HRG: variants seen among roughly 807,000 people sequenced by gnomAD.
HRG encodes the protein histidine-rich glycoprotein.
HRG carries 26 observed loss-of-function variants against 29.5 expected under a neutral mutation model. The observed-to-expected ratio is 0.88, with a 90% CI of 0.65 to 1.22. HRG has a LOEUF of 1.22. Ranked by LOEUF, HRG falls within the 50% of genes most tolerant of loss-of-function variation. The probability of loss-of-function intolerance (pLI) is 0.00; values close to 1 mark genes in which losing one functional copy is unlikely to be tolerated. For missense variants in HRG, 671 were observed against 654.5 expected, an observed-to-expected ratio of 1.03 and a Z score of -0.28; for synonymous variants, 243 against 240.4, an observed-to-expected ratio of 1.01 and a Z score of -0.10.
Position 186,668,986 on chromosome 3 carries a change from T to G in HRG, c.235T>G (p.Ser79Ala), listed in dbSNP as rs771386591. 8 of 1,612,990 alleles carry G rather than the reference T, an allele frequency of 5.0e-6. No individual in the cohort carries two copies. The highest frequency in any genetic ancestry group is 6.8e-6 in the Non-Finnish European group (8 of 1,178,918). ...CTTAGATGTGCAAGAATCGGACTGTTCGGTCCTATCCAGGAAATACTGGAA... is the reference window on the plus strand; with the variant it reads ...CTTAGATGTGCAAGAATCGGACTGTGCGGTCCTATCCAGGAAATACTGGAA... ...LVLDVQESDC[S>A]VLSRKYWNDC... is the part of the protein sequence containing the mutation. The change falls in exon 2 of 7, where the codon TCG becomes GCG. Residue 79 changes from serine to alanine, a missense_variant. Ser to Ala is a moderately conservative substitution (Grantham distance 99, BLOSUM62 1). Coordinates refer to ENST00000232003, the MANE Select transcript of HRG (RefSeq NM_000412.5).
rs759554349 is a variant in HRG at position 186,669,007 on chromosome 3, T to G, written c.256T>G (p.Trp86Gly). Residue 86 changes from tryptophan (W) to glycine (G), a missense_variant, in exon 2 of 7, where the codon TGG becomes GGG. Physicochemically the swap from Trp to Gly is radical, Grantham distance 184 (BLOSUM62 -2). Coordinates refer to ENST00000232003, the MANE Select transcript of HRG (RefSeq NM_000412.5). Reference protein sequence around the residue: ...SDCSVLSRKYWNDCEPPDSRR... With the variant: ...SDCSVLSRKYGNDCEPPDSRR... ...CTGTTCGGTCCTATCCAGGAAATAC[T>G]GGAATGACTGTGAGCCACCTGATTC... 2 of 1,611,876 alleles carry G rather than the reference T, an allele frequency of 1.2e-6. No homozygotes were observed. Among genetic ancestry groups the G allele is most frequent in the Non-Finnish European group, 1.7e-6 (2 of 1,177,900 alleles).
intron 3 of HRG, 115 bp from the exon 4 acceptor site, chr3:186,671,508 T>A (rs1718789402): frequency 9.3e-7 from 1 of 1,070,246 alleles, no homozygotes. Context: ...GTTACTCAGC[T>A]CTTCCCACCC....
Position 186,672,811 on chromosome 3 carries a change from T to G in HRG, c.583T>G (p.Phe195Val), listed in dbSNP as rs780185953. 1 of 1,612,364 alleles carries G rather than the reference T, an allele frequency of 6.2e-7. No homozygotes were observed. The stretch of plus-strand genomic sequence containing the variant: ...GAGAGGAGGGGAAGGAACTGGTTAC[T>G]TCGTGGACTTCTCTGTGCGGAACTG... The part of the protein sequence containing the change: ...RVRGGEGTGY[F>V]VDFSVRNCPR... Residue 195 changes from phenylalanine to valine, a missense_variant, in exon 5 of 7, where the codon TTC becomes GTC. Coordinates refer to ENST00000232003, the MANE Select transcript of HRG (RefSeq NM_000412.5).
Position 186,677,648 on chromosome 3 carries a change from G to A in HRG, c.1343G>A (p.Arg448His), listed in dbSNP as rs149578094. 7.9e-5 allele frequency: 128 copies of A among 1,613,954 alleles called. No homozygotes were observed. Among genetic ancestry groups the A allele is most frequent in the African/African-American group, 4.0e-4 (30 of 74,894 alleles). ...LRRRGPGKGP[R>H]PFHCRQIGSV... is the part of the protein sequence containing the mutation. ...AGGCGAGGCCCAGGTAAAGGACCCC[G>A]TCCCTTCCATTGCAGACAAATTGGA... The change falls in exon 7 of 7, where the codon CGT (arginine) becomes CAT (histidine). Residue 448 changes from arginine (R) to histidine (H), a missense_variant. Coordinates refer to ENST00000232003, the MANE Select transcript of HRG (RefSeq NM_000412.5).
chr3:186,678,079 A>G lies in HRG; in HGVS notation c.*196A>G, dbSNP rs191703250. On this transcript the variant is annotated 3_prime_UTR_variant, in exon 7 of 7. Coordinates refer to ENST00000232003, the MANE Select transcript of HRG (RefSeq NM_000412.5). ...GAGAGGAAAGAACTCAGTGCTGCCT[A>G]TTAGTAGTTAATTCTGTCACTCACC... 61 of 580,346 alleles carry G rather than the reference A, an allele frequency of 1.1e-4. 1 individual carries two copies. In the East Asian group the frequency reaches 1.7e-3, roughly 16 times the overall value. The allele number at this position is 580,346 out of a possible 1,614,324, so 35.9% of individuals were successfully genotyped here. A position where few individuals can be genotyped will look rare whatever the true frequency, so the allele number is the denominator to read the frequency against.
intron 6 of HRG, 62 bp downstream of exon 6, chr3:186,675,252 T>A: frequency 1.0e-6 from 1 of 1,003,664 alleles, no homozygotes; most frequent in Non-Finnish European, 1.6e-6. Context: ...CGTACACAAA[T>A]AGTGTTGTTG....
In HRG at chr3:186,675,141, TG is replaced by T. The variant is rs775224918; in HGVS notation, c.694del (p.Glu232LysfsTer8). On this transcript the variant is annotated frameshift_variant, in exon 6 of 7. Transcript: ENST00000232003. LOFTEE classifies it low-confidence loss of function (END_TRUNC). ...TTCTATGATGTAGAAGCCTTGGACT[TG>T]GAAAGCCCGAAAAACCTTGTCATAA... ...DLFYDVEALD[L>X]ESPKNLVINC... 3.7e-6 allele frequency: 6 copies of T among 1,613,978 alleles called. No homozygotes were observed. The East Asian group carries it at 1.3e-4, about 36-fold the overall frequency.
rs765072941 is a variant in HRG, at chr3:186,677,225, C to G, written c.920C>G (p.Ser307Ter). Residue 307 changes from serine (S) to a stop codon, truncating the protein, a stop_gained, in exon 7 of 7, where the codon TCA (serine) becomes TGA (stop). Transcript: ENST00000232003. LOFTEE classifies it low-confidence loss of function (END_TRUNC). ...CCTCCTCCAGATGAAAGAGATCACTCACATGGACCCCCACTTCCACAAGGC... is the reference window on the plus strand; with the variant it reads ...CCTCCTCCAGATGAAAGAGATCACTGACATGGACCCCCACTTCCACAAGGC... ...PPPPPDERDH[S>*]HGPPLPQGPP... is the part of the protein sequence containing the mutation. The G allele has an allele frequency of 6.2e-7, 1 of 1,614,020 alleles. No homozygotes were observed. Among genetic ancestry groups the G allele is most frequent in the Non-Finnish European group, 8.5e-7 (1 of 1,179,984 alleles).
intron 6 of HRG, among the ~76,000 whole-genome samples, chr3:186,676,482 AT>A (rs1426030730): frequency 6.6e-6 from 1 of 151,634 alleles, no homozygotes; most frequent in Admixed American, 6.6e-5. Flanking sequence ...TTAAATCAAA[AT>A]TTCATTCCAG....
In HRG at chr3:186,670,756, A is replaced by G. The variant is rs144501228; in HGVS notation, c.391+728A>G. 1.8e-3 allele frequency among the ~76,000 whole-genome samples: 281 copies of G among 152,280 alleles called. 9 individuals carry two copies. The East Asian group carries it at 0.046, about 25-fold the overall frequency. On this transcript the variant is annotated intron_variant, in intron 3 of 6. Coordinates refer to ENST00000232003, the MANE Select transcript of HRG (RefSeq NM_000412.5). ...GAGATGGAGTTTCTCCATGTTGGTC[A>G]GGCTGGCCTCAAACTCTTGACCTCA...
chr3:186,668,942 C>G lies in HRG; in HGVS notation c.191C>G (p.Thr64Arg). Residue 64 changes from threonine to arginine, a missense_variant, in exon 2 of 7, where the codon ACA (threonine) becomes AGA (arginine). Physicochemically the swap from Thr to Arg is moderately conservative, Grantham distance 71. Transcript: ENST00000232003. Reference sequence around the variant, plus strand: ...GCTTTTGGCATTCCTCAGGAAAATACAACTGTATATTACTTAGTCTTAGAT... The same window carrying G: ...GCTTTTGGCATTCCTCAGGAAAATAGAACTGTATATTACTTAGTCTTAGAT... ...ADAHLDRVEN[T>R]TVYYLVLDVQ... The G allele has an allele frequency of 6.3e-7, 1 of 1,590,660 alleles. No homozygotes were observed. Among genetic ancestry groups the G allele is most frequent in the Non-Finnish European group, 8.6e-7 (1 of 1,158,626 alleles).
intron 1 of HRG, among the ~76,000 whole-genome samples, chr3:186,667,515 T>A (rs547504311): frequency 2.0e-5 from 3 of 152,080 alleles, no homozygotes; most frequent in African/African-American, 7.2e-5. Context: ...TGAGATACCA[T>A]GTTCTGAGCC....
intron 1 of HRG, among the ~76,000 whole-genome samples, chr3:186,668,441 G>A (rs1273463734): frequency 6.6e-6 from 1 of 152,174 alleles, no homozygotes; most frequent in African/African-American, 2.4e-5. Flanking sequence ...AGAGTCTAAG[G>A]CAATATGTTG....
At chr3:186,673,026 A>G in intron 5 of HRG, 159 bp downstream of exon 5, 1 of 696,220 alleles carries the variant, frequency 1.4e-6, no homozygotes, top group Non-Finnish European at 2.6e-6. Flanking sequence ...AATGTCTGTG[A>G]AATACAAAGT....
At chr3:186,672,985 G>A (rs1362134895) in intron 5 of HRG, 118 bp downstream of exon 5, 4 of 755,424 alleles carry the variant, frequency 5.3e-6, no homozygotes, top group South Asian at 2.9e-5. Context: ...GAATGAGAAG[G>A]AGAAAATGAG....
intron 3 of HRG, 66 bp downstream of exon 3, chr3:186,670,094 T>C: frequency 1.2e-6 from 1 of 842,398 alleles, no homozygotes; most frequent in Non-Finnish European, 2.1e-6. Context: ...ACAGTGGTAT[T>C]TGTCTCATCT....
chr3:186,666,070 G>A lies in HRG; in HGVS notation c.39G>A (p.Leu13=). 1 of 1,614,208 alleles carries A rather than the reference G, an allele frequency of 6.2e-7. No individual in the cohort carries two copies. Among genetic ancestry groups the A allele is most frequent in the Non-Finnish European group, 8.5e-7 (1 of 1,180,020 alleles). Residue 13 remains leucine, a synonymous_variant, in exon 1 of 7, where the codon TTG becomes TTA. Transcript: ENST00000232003. The part of the protein sequence containing the change: ...ALIAALLLIT[L]QYSCAVSPTD... Reference sequence around the variant, plus strand: ...TTGCAGCACTGCTTTTGATCACATTGCAGTATTCGTGTGCCGTGAGTCCCA... The same window carrying A: ...TTGCAGCACTGCTTTTGATCACATTACAGTATTCGTGTGCCGTGAGTCCCA...
Position 186,677,388 on chromosome 3 carries a change from C to G in HRG, c.1083C>G (p.Pro361=). The G allele has an allele frequency of 6.2e-7, 1 of 1,612,722 alleles. No individual in the cohort carries two copies. The highest frequency in any genetic ancestry group is 1.1e-5 in the South Asian group (1 of 90,798). ...AGCATCATTCCCATGAACAGCATCC[C>G]CACGGACACCATCCCCATGCACACC... ...PHKHHSHEQH[P]HGHHPHAHHP... Residue 361 remains proline (P), a synonymous_variant, in exon 7 of 7, where the codon CCC becomes CCG. Transcript: ENST00000232003.
chr3:186,675,109 A>G lies in HRG; in HGVS notation c.660A>G (p.Ala220=). The G allele has an allele frequency of 6.2e-7, 1 of 1,613,440 alleles. No homozygotes were observed. Among genetic ancestry groups the G allele is most frequent in the Non-Finnish European group, 8.5e-7 (1 of 1,179,364 alleles). Residue 220 remains alanine, a synonymous_variant, in exon 6 of 7, where the codon GCA becomes GCG. Coordinates refer to ENST00000232003, the MANE Select transcript of HRG (RefSeq NM_000412.5). ...RHPNVFGFCR[A]DLFYDVEALD... ...TGTAGGTCTTTGGATTCTGCAGAGC[A>G]GATTTGTTCTATGATGTAGAAGCCT...
Sources: gnomAD v4.1 joint callset for allele counts (sites outside exome capture counted in the v4.1 genomes callset) on GRCh38, gnomAD v4.1.1 for gene constraint, MANE v1.5 for transcripts, NCBI Gene and HGNC (gene_info 2026-07-23, HGNC 2026-07-21) for gene names.